NELL1: variants seen among roughly 807,000 people sequenced by gnomAD.
NELL1 encodes protein kinase C-binding protein NELL1.
In NELL1, 76 loss-of-function variants were observed where a neutral mutation model predicts 107.4. The observed-to-expected ratio is 0.71, with a 90% CI of 0.59 to 0.86. The LOEUF is 0.86. Among genes scored for constraint, NELL1 ranks in the 40% least tolerant of loss-of-function variants. The pLI is 0.00. For synonymous variants in NELL1, 353 were observed against 341.2 expected, an observed-to-expected ratio of 1.03 and a Z score of -0.38; for missense variants, 1,024 against 1,005.5, an observed-to-expected ratio of 1.02 and a Z score of -0.25.
intron 17 of NELL1, among the ~76,000 whole-genome samples, chr11:21,565,480 C>T (rs1323972095): frequency 6.6e-6 from 1 of 151,860 alleles, no homozygotes; most frequent in African/African-American, 2.4e-5. Flanking sequence ...GCTCTACCCT[C>T]AGTATTTTCT....
chr11:21,561,279 A>T (rs548190202), intron 17 of NELL1, among the ~76,000 whole-genome samples: 1 of 152,160 alleles, frequency 6.6e-6, no homozygotes, highest in Non-Finnish European at 1.5e-5. Flanking sequence ...CATCCAGTTC[A>T]TCCACTTGCC....
At chr11:21,275,044 A>AT (rs1848823942) in intron 14 of NELL1, among the ~76,000 whole-genome samples, 1 of 152,208 alleles carries the variant, frequency 6.6e-6, no homozygotes, top group African/African-American at 2.4e-5. Context: ...AGAAATAACT[A>AT]AGATCAGAGC....
intron 5 of NELL1, among the ~76,000 whole-genome samples, chr11:20,899,058 T>G (rs1448326801): frequency 6.6e-6 from 1 of 152,160 alleles, no homozygotes; most frequent in South Asian, 2.1e-4. Context: ...GAGTGATATT[T>G]AACATACTTC....
At chr11:21,349,293 T>A (rs10833515) in intron 14 of NELL1, among the ~76,000 whole-genome samples, 29,502 of 152,114 alleles carry the variant, frequency 0.19, 3,078 homozygotes, top group Middle Eastern at 0.31. Flanking sequence ...TTAACATGTA[T>A]GACAATAGTT....
At chr11:21,277,461 C>G (rs1848893442) in intron 14 of NELL1, among the ~76,000 whole-genome samples, 1 of 151,406 alleles carries the variant, frequency 6.6e-6, no homozygotes, top group Admixed American at 6.6e-5. Context: ...GGACTGTAAA[C>G]TAGTTCAACC....
chr11:20,922,197 G>A (rs1159972026), intron 7 of NELL1, among the ~76,000 whole-genome samples: 1 of 152,056 alleles, frequency 6.6e-6, no homozygotes, highest in African/African-American at 2.4e-5. Flanking sequence ...TATACCCTGT[G>A]CAACCATCAG....
At chr11:21,003,492 C>T (rs977619700) in intron 12 of NELL1, among the ~76,000 whole-genome samples, 6 of 152,090 alleles carry the variant, frequency 3.9e-5, no homozygotes, top group Admixed American at 3.3e-4. Context: ...TCATCTAGTG[C>T]AAACTCTTTA....
At chr11:21,282,038 A>G (rs1286432635) in intron 14 of NELL1, among the ~76,000 whole-genome samples, 1 of 152,222 alleles carries the variant, frequency 6.6e-6, no homozygotes, top group Non-Finnish European at 1.5e-5. Flanking sequence ...AGCAAAGGAA[A>G]TAGTCCACAA....
chr11:21,255,651 C>T (rs894663346), intron 14 of NELL1, among the ~76,000 whole-genome samples: 1 of 152,042 alleles, frequency 6.6e-6, no homozygotes, highest in Non-Finnish European at 1.5e-5. Flanking sequence ...TTTCCTAACA[C>T]AATTTAATTA....
chr11:21,147,399 A>T (rs1348990191), intron 13 of NELL1, among the ~76,000 whole-genome samples: 1 of 152,096 alleles, frequency 6.6e-6, no homozygotes, highest in Non-Finnish European at 1.5e-5. Context: ...TACTGAAGGA[A>T]TTGTGTTTAG....
chr11:21,252,325 G>A (rs1023762798), intron 14 of NELL1, among the ~76,000 whole-genome samples: 5 of 152,192 alleles, frequency 3.3e-5, no homozygotes, highest in Middle Eastern at 3.4e-3. Flanking sequence ...TGTAACATTG[G>A]TTTTGGGGGC....
chr11:21,503,346 T>C (rs904627968), intron 15 of NELL1, among the ~76,000 whole-genome samples: 11 of 152,182 alleles, frequency 7.2e-5, no homozygotes, highest in Non-Finnish European at 1.0e-4. Context: ...ACCAGTCCAG[T>C]TGTAAGCTAT....
chr11:21,505,163 G>A (rs563699899), intron 15 of NELL1, among the ~76,000 whole-genome samples: 9 of 152,218 alleles, frequency 5.9e-5, no homozygotes, highest in South Asian at 2.1e-4. Flanking sequence ...ATCCAATTTG[G>A]CATTTATTTT....
intron 13 of NELL1, among the ~76,000 whole-genome samples, chr11:21,174,652 G>A (rs1473968991): frequency 1.3e-5 from 2 of 151,658 alleles, no homozygotes; most frequent in African/African-American, 2.4e-5. Context: ...GGAGGAGGAA[G>A]AAGTGATAAT....
intron 16 of NELL1, among the ~76,000 whole-genome samples, chr11:21,558,414 A>G (rs1351235831): frequency 6.6e-6 from 1 of 151,716 alleles, no homozygotes; most frequent in East Asian, 1.9e-4. Context: ...ATATATATAT[A>G]TTACCTTATA....
intron 15 of NELL1, among the ~76,000 whole-genome samples, chr11:21,402,745 T>G (rs1298319951): frequency 6.6e-6 from 1 of 151,590 alleles, no homozygotes; most frequent in East Asian, 2.0e-4. Flanking sequence ...TTATCTCCTA[T>G]GATGTGAAAG....
intron 2 of NELL1, among the ~76,000 whole-genome samples, chr11:20,724,467 C>G (rs1855463859): frequency 6.6e-6 from 1 of 152,072 alleles, no homozygotes; most frequent in African/African-American, 2.4e-5. Context: ...CACCAGGTAC[C>G]CTAAATCATC....
intron 2 of NELL1, among the ~76,000 whole-genome samples, chr11:20,774,343 CTCTCTCTCCTTTCTT>C (rs1438554242): frequency 1.4e-5 from 2 of 144,322 alleles, no homozygotes; most frequent in Non-Finnish European, 3.0e-5. Context: ...TCCTTCTCTC[CTCTCTCTCCTTTCTT>C]TCTCTCTCTT....
chr11:21,569,650 A>G (rs1303674201), intron 17 of NELL1, among the ~76,000 whole-genome samples: 4 of 151,866 alleles, frequency 2.6e-5, no homozygotes, highest in Non-Finnish European at 5.9e-5. Context: ...TTGAAACATG[A>G]CAAAGTGTTT....
Sources: gnomAD v4.1 joint callset for allele counts (sites outside exome capture counted in the v4.1 genomes callset) on GRCh38, gnomAD v4.1.1 for gene constraint, MANE v1.5 for transcripts, NCBI Gene and HGNC (gene_info 2026-07-23, HGNC 2026-07-21) for gene names.